COL6A5: variants seen among roughly 807,000 people sequenced by gnomAD.
COL6A5 encodes the protein collagen alpha-5(VI) chain.
COL6A5 carries 48 observed loss-of-function variants against 65.6 expected under a neutral mutation model. That is an observed-to-expected ratio of 0.73 (90% CI 0.58 to 0.93). The LOEUF (loss-of-function observed/expected upper bound fraction) is 0.93. Ranked by LOEUF, COL6A5 falls within the 40% of genes least tolerant of loss-of-function variation. The pLI is 0.00. For missense variants in COL6A5, 914 were observed against 928.3 expected (o/e 0.98, Z 0.20); for synonymous variants, 291 against 322.8 (o/e 0.90, Z 1.05).
chr3:130,468,102 T>C (rs1709859654), intron 5 of COL6A5, among the ~76,000 whole-genome samples: 1 of 152,032 alleles, frequency 6.6e-6, no homozygotes, highest in African/African-American at 2.4e-5. Context: ...GGAGAAAGTC[T>C]TGCTATGAAA....
At position 130,471,663 on chromosome 3, in the gene COL6A5, C is replaced by T; in HGVS notation, c.2328+696C>T. Reference sequence around the variant, plus strand: ...GACTTGGCTAACTAATTTTTTATCTCTCTTCTCTATTACCTCAGACTTCTT... The same window carrying T: ...GACTTGGCTAACTAATTTTTTATCTTTCTTCTCTATTACCTCAGACTTCTT... On this transcript the variant is annotated intron_variant, in intron 7 of 7. Coordinates refer to ENST00000512836, the Ensembl canonical transcript of COL6A5. 6.5e-7 allele frequency: 1 copy of T among 1,530,376 alleles called. No individual in the cohort carries two copies. Among genetic ancestry groups the T allele is most frequent in the Non-Finnish European group, 8.7e-7 (1 of 1,144,006 alleles). The allele number at this position is 1,530,376 out of a possible 1,614,324, so 94.8% of individuals were successfully genotyped here. A position where few individuals can be genotyped will look rare whatever the true frequency, so the allele number is the denominator to read the frequency against.
At chr3:130,360,520 TA>T (rs760308430) in intron 1 of COL6A5, among the ~76,000 whole-genome samples, 2 of 152,106 alleles carry the variant, frequency 1.3e-5, no homozygotes, top group Non-Finnish European at 2.9e-5. Context: ...TCCAAACCAG[TA>T]GGAGTTTTAT....
chr3:130,405,706 C>T, intron 14 of COL6A5, 47 bp downstream of exon 14: 4 of 1,400,410 alleles, frequency 2.9e-6, no homozygotes, highest in African/African-American at 2.8e-5. Flanking sequence ...GTAACATTCT[C>T]TCCCTCTCTT....
At chr3:130,410,923 G>A (rs1189687752) in intron 20 of COL6A5, among the ~76,000 whole-genome samples, 1 of 152,170 alleles carries the variant, frequency 6.6e-6, no homozygotes, top group African/African-American at 2.4e-5. Flanking sequence ...GGTGTTTTGG[G>A]ATGTCTTTGA....
chr3:130,385,474 T>C (rs1018831101), intron 5 of COL6A5, 110 bp downstream of exon 5: 4 of 1,154,118 alleles, frequency 3.5e-6, no homozygotes, highest in Non-Finnish European at 4.8e-6. Flanking sequence ...GGATAACATT[T>C]TGCTAGCTTC....
chr3:130,467,612 G>T (rs1039885988), intron 5 of COL6A5, among the ~76,000 whole-genome samples: 1 of 151,938 alleles, frequency 6.6e-6, no homozygotes, highest in Non-Finnish European at 1.5e-5. Flanking sequence ...GAGATAATAT[G>T]GAATTTATAC....
chr3:130,452,704 G>A (rs34253740), intron 4 of COL6A5, among the ~76,000 whole-genome samples: 85,327 of 151,946 alleles, frequency 0.56, 26,595 homozygotes, highest in Non-Finnish European at 0.71. Context: ...ATCTTATCAG[G>A]AGACAGGGTT....
chr3:130,407,574 C>T (rs964978670), intron 17 of COL6A5, among the ~76,000 whole-genome samples: 9 of 152,088 alleles, frequency 5.9e-5, no homozygotes, highest in Admixed American at 1.3e-4. Flanking sequence ...AAGGGTGTAG[C>T]GGGGTTTGGA....
chr3:130,423,760 A>G lies in COL6A5; in HGVS notation c.5101-78A>G, dbSNP rs1319205436. 62 of 1,136,068 alleles carry G rather than the reference A, an allele frequency of 5.5e-5. No individual in the cohort carries two copies. In the East Asian group the frequency reaches 1.3e-3, roughly 24 times the overall value. 70.4% of individuals were successfully genotyped at this position (1,136,068 alleles called of 1,614,324 possible). ...TTTTTAAAATTTTTTTTAAAATTAG[A>G]AAGTCTTATCGAAACTGAAGTAGTC... On this transcript the variant is annotated intron_variant and NMD_transcript_variant, in intron 28 of 41. Coordinates refer to the COL6A5 transcript ENST00000312481.
intron 1 of COL6A5, among the ~76,000 whole-genome samples, chr3:130,355,632 T>A (rs1934895600): frequency 6.6e-6 from 1 of 151,370 alleles, no homozygotes. Context: ...AAATAAAAAA[T>A]ATATATACCC....
At chr3:130,386,287 T>G (rs1290101491) in intron 5 of COL6A5, among the ~76,000 whole-genome samples, 1 of 152,030 alleles carries the variant, frequency 6.6e-6, no homozygotes, top group Admixed American at 6.6e-5. Flanking sequence ...AGGCTTATTG[T>G]GAAGCTTAAT....
rs747107091 is a variant in COL6A5, at chr3:130,398,125, G to GT, written c.3991+16dup. ...TCAGAGAAGCAGGTATTGAGTTGTT[G>GT]TTGTTTTTTTTTTTTTTTTTTTTGA... On this transcript the variant is annotated intron_variant and NMD_transcript_variant, in intron 10 of 41. Transcript: ENST00000312481. 11,159 of 1,055,080 alleles carry GT rather than the reference G, an allele frequency of 0.011. 289 individuals carry two copies. Among genetic ancestry groups the GT allele is most frequent in the East Asian group, 0.085 (2,354 of 27,564 alleles). The allele number at this position is 1,055,080 out of a possible 1,614,324, so 65.4% of individuals were successfully genotyped here.
At position 130,422,717 on chromosome 3, in the gene COL6A5, C is replaced by A; in HGVS notation, c.5038-3C>A. ...TCTTGACTTTTTATATCTGAATCTT[C>A]AGGGTGATATTGGTAATCCTGGAAT... On this transcript the variant is annotated splice_region_variant and splice_polypyrimidine_tract_variant and intron_variant and NMD_transcript_variant, in intron 27 of 41. Transcript: ENST00000312481. 6.6e-7 allele frequency: 1 copy of A among 1,522,526 alleles called. No individual in the cohort carries two copies. The highest frequency in any genetic ancestry group is 8.9e-7 in the Non-Finnish European group (1 of 1,128,230). 94.3% of individuals were successfully genotyped at this position (1,522,526 alleles called of 1,614,324 possible).
chr3:130,439,354 TG>T lies in COL6A5; in HGVS notation c.488-167del, dbSNP rs1428132786. ...AAGCAGGGGATTGTGTGTGTGTGTGTGTGTGTGTGTGTGTGTGTGTGTGTGA... is the reference window on the plus strand; with the variant it reads ...AAGCAGGGGATTGTGTGTGTGTGTGTTGTGTGTGTGTGTGTGTGTGTGTGA... On this transcript the variant is annotated intron_variant, in intron 1 of 7. Transcript: ENST00000512836. Among the ~76,000 whole-genome samples, 7 of 149,574 alleles carry T rather than the reference TG, an allele frequency of 4.7e-5. No homozygotes were observed. In the East Asian group the frequency reaches 1.4e-3, roughly 29 times the overall value.
At chr3:130,470,960 A>T in exon 7 of COL6A5, 1 of 1,610,164 alleles carries the variant, frequency 6.2e-7, no homozygotes, top group Non-Finnish European at 8.5e-7. Flanking sequence ...CACAGAAAAC[A>T]CTGTATTGTG....
intron 1 of COL6A5, among the ~76,000 whole-genome samples, chr3:130,353,527 A>G (rs1577418526): frequency 1.3e-5 from 2 of 152,308 alleles, no homozygotes; most frequent in East Asian, 1.9e-4. Flanking sequence ...AACTGTTACA[A>G]AACTAAAACC....
chr3:130,412,738 A>G (rs1937216710), intron 20 of COL6A5, among the ~76,000 whole-genome samples: 2 of 152,148 alleles, frequency 1.3e-5, no homozygotes, highest in African/African-American at 4.8e-5. Flanking sequence ...GCTTGAATCA[A>G]GGGGCAGAAC....
upstream of COL6A5, chr3:130,429,645 C>A (rs1050676246): frequency 4.2e-6 from 6 of 1,427,326 alleles, no homozygotes; most frequent in Non-Finnish European, 5.7e-6. Context: ...CCAACAAGAC[C>A]AATCTGAAAG....
At chr3:130,468,938 G>A (rs1223150539) in exon 6 of COL6A5, 3 of 1,612,630 alleles carry the variant, frequency 1.9e-6, no homozygotes, top group South Asian at 2.2e-5. Flanking sequence ...GGAAGTAAAA[G>A]CTTTTATAAC....
Sources: gnomAD v4.1 joint callset for allele counts (sites outside exome capture counted in the v4.1 genomes callset) on GRCh38, gnomAD v4.1.1 for gene constraint, MANE v1.5 for transcripts, NCBI Gene and HGNC (gene_info 2026-07-23, HGNC 2026-07-21) for gene names.